NINL: variants seen among roughly 807,000 people sequenced by gnomAD.
NINL encodes the protein ninein-like protein.
Under a neutral mutation model 160.3 loss-of-function variants are expected in NINL, and 153 were observed. The observed-to-expected ratio is 0.95, with a 90% CI of 0.84 to 1.09. The LOEUF (loss-of-function observed/expected upper bound fraction) is 1.09. Ranked by LOEUF, NINL falls within the 50% of genes least tolerant of loss-of-function variation. The pLI, the probability that NINL is intolerant of heterozygous loss-of-function variation, is 0.00. For missense variants in NINL, 1,829 were observed against 1,764.0 expected (o/e 1.04, Z -0.66); for synonymous variants, 800 against 734.8 (o/e 1.09, Z -1.43).
At chr20:25,563,997 TTG>T (rs2064972975) in intron 1 of NINL, among the ~76,000 whole-genome samples, 1 of 152,062 alleles carries the variant, frequency 6.6e-6, no homozygotes, top group Non-Finnish European at 1.5e-5. Flanking sequence ...GGCAAGAGGA[TTG>T]CTTTAGCCCA....
chr20:25,514,569 G>C (rs553334824), intron 3 of NINL, among the ~76,000 whole-genome samples: 42 of 152,352 alleles, frequency 2.8e-4, no homozygotes, highest in Middle Eastern at 3.4e-3. Flanking sequence ...TAGTAAAGAG[G>C]AGCCGGATGT....
chr20:25,456,233 C>T (rs1194532005), intron 22 of NINL, among the ~76,000 whole-genome samples: 5 of 108,718 alleles, frequency 4.6e-5, no homozygotes, highest in Non-Finnish European at 8.7e-5. Flanking sequence ...CAGAGTGAGA[C>T]TCCATCTCAA....
rs1242132161 is a variant in NINL at position 25,482,181 on chromosome 20, GGTCC to G, written c.1678-85_1678-82del. ...AGCTGGCCGAGCTGGCCTCCAGGGG[GGTCC>G]CTTGCAGGTGAGGTGCACTGTGAGG... On this transcript the variant is annotated intron_variant, in intron 13 of 23. Transcript: ENST00000278886. 1.1e-5 allele frequency: 16 copies of G among 1,508,288 alleles called. No homozygotes were observed. In the East Asian group the frequency reaches 3.5e-4, roughly 33 times the overall value. The allele number at this position is 1,508,288 out of a possible 1,614,324, so 93.4% of individuals were successfully genotyped here. A position where few individuals can be genotyped will look rare whatever the true frequency, so the allele number is the denominator to read the frequency against.
chr20:25,479,791 G>A (rs1029568890), intron 15 of NINL, among the ~76,000 whole-genome samples: 39 of 152,208 alleles, frequency 2.6e-4, no homozygotes, highest in African/African-American at 9.4e-4. Flanking sequence ...CAAAGCCACT[G>A]AGCTACCCAG....
At chr20:25,472,537 C>CTT (rs113318349) in intron 17 of NINL, among the ~76,000 whole-genome samples, 10 of 126,890 alleles carry the variant, frequency 7.9e-5, no homozygotes, top group African/African-American at 2.9e-4. Flanking sequence ...GAAAATATTT[C>CTT]TTTTTTTTTT....
chr20:25,560,356 T>C (rs894326987), intron 1 of NINL, among the ~76,000 whole-genome samples: 4 of 152,208 alleles, frequency 2.6e-5, no homozygotes, highest in African/African-American at 9.6e-5. Flanking sequence ...GTAACTACCT[T>C]TCATTCATTT....
At chr20:25,555,490 TA>T (rs2064855332) in intron 1 of NINL, among the ~76,000 whole-genome samples, 1 of 152,200 alleles carries the variant, frequency 6.6e-6, no homozygotes, top group South Asian at 2.1e-4. Context: ...TATTCAAAGG[TA>T]AATGTATACA....
intron 1 of NINL, among the ~76,000 whole-genome samples, chr20:25,572,711 A>G (rs963616724): frequency 3.3e-5 from 5 of 152,206 alleles, no homozygotes; most frequent in Non-Finnish European, 5.9e-5. Flanking sequence ...ATAGTTTTCT[A>G]AAAGTTTTTC....
chr20:25,531,616 G>T (rs572388865), intron 1 of NINL, among the ~76,000 whole-genome samples: 1 of 152,096 alleles, frequency 6.6e-6, no homozygotes, highest in Admixed American at 6.5e-5. Flanking sequence ...CTGACTTCCC[G>T]CAACAGGGGA....
chr20:25,455,065 C>T (rs886571300), intron 23 of NINL, among the ~76,000 whole-genome samples: 46 of 152,220 alleles, frequency 3.0e-4, no homozygotes, highest in African/African-American at 1.0e-3. Context: ...CATGGCTGTC[C>T]GCTGCCTGGA....
intron 1 of NINL, among the ~76,000 whole-genome samples, chr20:25,544,403 A>C (rs186441278): frequency 1.3e-5 from 2 of 152,316 alleles, no homozygotes; most frequent in East Asian, 3.9e-4. Flanking sequence ...AGTAAAAGTA[A>C]TGAATTACTT....
intron 1 of NINL, among the ~76,000 whole-genome samples, chr20:25,566,242 G>A (rs953883008): frequency 3.9e-5 from 6 of 152,098 alleles, no homozygotes; most frequent in African/African-American, 2.4e-5. Flanking sequence ...AAATGGACAC[G>A]GGAGGAATAT....
rs1339656910 is a variant in NINL, at chr20:25,578,097, G to A, written c.-12+7358C>T. 2.0e-5 allele frequency among the ~76,000 whole-genome samples: 3 copies of A among 151,296 alleles called. No individual in the cohort carries two copies. The East Asian group carries it at 5.8e-4, about 29-fold the overall frequency. On this transcript the variant is annotated intron_variant, in intron 1 of 23. Coordinates refer to ENST00000278886, the MANE Select transcript of NINL (RefSeq NM_025176.6). ...TCTGCCTGCCTCGGCCTCCCAAAGT[G>A]CTGGGATTACAGGCGTGATTTTTTT... is the stretch of plus-strand genomic sequence containing the variant.
chr20:25,497,742 CT>C (rs1194510404), intron 9 of NINL, among the ~76,000 whole-genome samples: 1 of 152,222 alleles, frequency 6.6e-6, no homozygotes, highest in African/African-American at 2.4e-5. Flanking sequence ...TGGGAGCCCC[CT>C]GGCGCGAGAG....
intron 22 of NINL, among the ~76,000 whole-genome samples, chr20:25,457,349 A>G (rs948579423): frequency 6.6e-6 from 1 of 151,786 alleles, no homozygotes; most frequent in Admixed American, 6.6e-5. Context: ...CAAAACAAAA[A>G]TATGTTCTGG....
chr20:25,471,287 G>A (rs181541422), intron 17 of NINL, among the ~76,000 whole-genome samples: 50 of 152,206 alleles, frequency 3.3e-4, no homozygotes, highest in Admixed American at 7.9e-4. Context: ...CGCCCAGCCC[G>A]CTTTATGTAT....
intron 1 of NINL, among the ~76,000 whole-genome samples, chr20:25,548,644 C>A (rs1297381448): frequency 2.0e-5 from 3 of 151,122 alleles, no homozygotes; most frequent in Non-Finnish European, 4.4e-5. Context: ...CCACACCCAG[C>A]CTCACCTAGG....
intron 16 of NINL, among the ~76,000 whole-genome samples, chr20:25,477,514 C>T (rs899947183): frequency 2.6e-5 from 4 of 152,216 alleles, no homozygotes; most frequent in South Asian, 2.1e-4. Flanking sequence ...AAAACTGTCC[C>T]CTAATTCCCT....
chr20:25,515,502 G>C (rs2064143932), intron 3 of NINL, among the ~76,000 whole-genome samples: 1 of 152,150 alleles, frequency 6.6e-6, no homozygotes, highest in African/African-American at 2.4e-5. Flanking sequence ...AATGAGTTAA[G>C]ACTCTGGGAG....
Sources: gnomAD v4.1 joint callset for allele counts (sites outside exome capture counted in the v4.1 genomes callset) on GRCh38, gnomAD v4.1.1 for gene constraint, MANE v1.5 for transcripts, NCBI Gene and HGNC (gene_info 2026-07-23, HGNC 2026-07-21) for gene names.